The following NPRL3 variants were observed in gnomAD, a reference collection of about 807,000 sequenced individuals.
The protein encoded by NPRL3 is GATOR1 complex protein NPRL3.
A neutral mutation model predicts 57.2 loss-of-function variants in NPRL3; 23 were observed. That is an observed-to-expected ratio of 0.40 (90% CI 0.29 to 0.57). The LOEUF (loss-of-function observed/expected upper bound fraction) is 0.57, where lower values mean the gene tolerates loss of function less well. Ranked by LOEUF, NPRL3 falls within the 20% of genes least tolerant of loss-of-function variation. The pLI is 0.42. For synonymous variants in NPRL3, 333 were observed against 321.1 expected, an observed-to-expected ratio of 1.04 and a Z score of -0.39; for missense variants, 691 against 767.1, an observed-to-expected ratio of 0.90 and a Z score of 1.17.
chr16:130,425 C>G, intron 3 of NPRL3, 97 bp downstream of exon 3: 1 of 1,275,108 alleles, frequency 7.8e-7, no homozygotes, highest in Non-Finnish European at 1.1e-6. Flanking sequence ...CACCAGACTT[C>G]TCAGGGAGAA....
intron 2 of NPRL3, among the ~76,000 whole-genome samples, chr16:133,532 GT>G (rs1555445686): frequency 1.6e-4 from 6 of 37,204 alleles, no homozygotes; most frequent in South Asian, 9.5e-4. Flanking sequence ...GCCTAGCGTT[GT>G]TTGTTTGTTT....
intron 5 of NPRL3, among the ~76,000 whole-genome samples, chr16:116,619 C>A (rs1029160945): frequency 6.6e-6 from 1 of 151,968 alleles, no homozygotes; most frequent in Non-Finnish European, 1.5e-5. Flanking sequence ...ACCAGGAGTT[C>A]AAGATCAGCC....
At chr16:127,924 G>A (rs1436556237) in intron 3 of NPRL3, among the ~76,000 whole-genome samples, 1 of 151,772 alleles carries the variant, frequency 6.6e-6, no homozygotes, top group African/African-American at 2.4e-5. Context: ...CAAAGGGCTG[G>A]GATTACAGGC....
chr16:112,275 T>C (rs1317421600), intron 6 of NPRL3, among the ~76,000 whole-genome samples: 1 of 152,156 alleles, frequency 6.6e-6, no homozygotes, highest in African/African-American at 2.4e-5. Context: ...GCCAGGAAAA[T>C]TCATCTACAA....
rs753763592 is a variant in NPRL3, at chr16:89,800, G to C, written c.1264C>G (p.Arg422Gly). ...LMASPSEEEP[R>G]PREDDVPFTA... ...AAGGGGACGTCGTCCTCTCGCGGAC[G>C]GGGCTCCTCCTCGCTGGGTGAGGCC... The change falls in exon 12 of 14, where the codon CGT (arginine) becomes GGT (glycine). Residue 422 changes from arginine to glycine, a missense_variant. Transcript: ENST00000611875. The C allele has an allele frequency of 1.3e-6, 2 of 1,598,558 alleles. No homozygotes were observed. The highest frequency in any genetic ancestry group is 8.5e-7 in the Non-Finnish European group (1 of 1,173,974).
In NPRL3 at chr16:88,716, T is replaced by A; in HGVS notation, c.1526A>T (p.Asp509Val). ...CACCCACCTGGCAAACATGCGGAGG[T>A]CCTCAGGGTTCTGGGCTGCGGGTAC... ...LSVPAAQNPE[D>V]LRMFARLLHY... The change falls in exon 13 of 14, where the codon GAC becomes GTC. Residue 509 changes from aspartate (D) to valine (V), a missense_variant. Transcript: ENST00000611875. The A allele has an allele frequency of 6.2e-7, 1 of 1,610,732 alleles. No homozygotes were observed. Among genetic ancestry groups the A allele is most frequent in the Non-Finnish European group, 8.5e-7 (1 of 1,177,568 alleles).
chr16:117,883 C>T (rs1333316449), intron 4 of NPRL3, among the ~76,000 whole-genome samples: 2 of 152,268 alleles, frequency 1.3e-5, no homozygotes, highest in Non-Finnish European at 2.9e-5. Flanking sequence ...TCAAGGGAAG[C>T]ATTCCAAGGG....
chr16:104,643 T>C (rs1055063447), intron 7 of NPRL3, among the ~76,000 whole-genome samples: 6 of 152,172 alleles, frequency 3.9e-5, no homozygotes, highest in Non-Finnish European at 7.3e-5. Flanking sequence ...TTTACTCCAT[T>C]TTCCCAAGCA....
Position 119,112 on chromosome 16 carries a change from A to G in NPRL3, c.318+14T>C, listed in dbSNP as rs1479564838. ...TGCCCAGGGAGAGCCCCACCTGCCCAGGGAGAGCCATACCTGCCCCAGAGC... is the reference window on the plus strand; with the variant it reads ...TGCCCAGGGAGAGCCCCACCTGCCCGGGGAGAGCCATACCTGCCCCAGAGC... On this transcript the variant is annotated intron_variant, in intron 4 of 13. Coordinates refer to ENST00000611875, the MANE Select transcript of NPRL3 (RefSeq NM_001077350.3). The G allele has an allele frequency of 1.2e-6, 2 of 1,612,574 alleles. No homozygotes were observed. Among genetic ancestry groups the G allele is most frequent in the Non-Finnish European group, 1.7e-6 (2 of 1,178,956 alleles).
At chr16:103,705 C>T (rs1054626707) in intron 7 of NPRL3, among the ~76,000 whole-genome samples, 10 of 152,176 alleles carry the variant, frequency 6.6e-5, no homozygotes, top group Non-Finnish European at 1.2e-4. Context: ...ATTGGCCGGG[C>T]GTGGCGGCTC....
rs771726316 is a variant in NPRL3, at chr16:98,163, C to T, written c.906G>A (p.Ala302=). The T allele has an allele frequency of 1.1e-5, 17 of 1,613,676 alleles. No individual in the cohort carries two copies. The highest frequency in any genetic ancestry group is 2.2e-5 in the East Asian group (1 of 44,896). The part of the protein sequence containing the change: ...VKNLQQLAQD[A]DLALLQVFQL... Reference sequence around the variant, plus strand: ...GCTATACCTGCAGCAAGGCCAGGTCCGCATCTTGGGCTAGCTGCTGCAGGT... The same window carrying T: ...GCTATACCTGCAGCAAGGCCAGGTCTGCATCTTGGGCTAGCTGCTGCAGGT... Residue 302 remains alanine (A), a synonymous_variant, in exon 9 of 14, where the codon GCG becomes GCA. Transcript: ENST00000611875.
rs1183709549 is a variant in NPRL3 at position 86,544 on chromosome 16, C to T, written c.*161G>A. ...GCGGAACCACCAGGGGCAAGGACAG[C>T]GGGGCTCTGCAGGCTTCACTGGGCC... On this transcript the variant is annotated 3_prime_UTR_variant, in exon 14 of 14. Coordinates refer to ENST00000611875, the MANE Select transcript of NPRL3 (RefSeq NM_001077350.3). 7 of 671,074 alleles carry T rather than the reference C, an allele frequency of 1.0e-5. No homozygotes were observed. The highest frequency in any genetic ancestry group is 5.5e-5 in the East Asian group (2 of 36,282). 41.6% of individuals were successfully genotyped at this position (671,074 alleles called of 1,614,324 possible).
At chr16:92,053 TC>T (rs1339928823) in intron 11 of NPRL3, among the ~76,000 whole-genome samples, 1 of 152,110 alleles carries the variant, frequency 6.6e-6, no homozygotes, top group Admixed American at 6.5e-5. Context: ...GTTGCCCTGA[TC>T]CAGGCCCACT....
intron 3 of NPRL3, among the ~76,000 whole-genome samples, chr16:124,066 G>C (rs1900404697): frequency 1.4e-5 from 2 of 145,066 alleles, no homozygotes; most frequent in Admixed American, 1.4e-4. Flanking sequence ...TGAGAAACAG[G>C]ATCACACACT....
At chr16:122,862 G>A (rs753296857) in intron 3 of NPRL3, among the ~76,000 whole-genome samples, 5 of 151,996 alleles carry the variant, frequency 3.3e-5, no homozygotes, top group Non-Finnish European at 5.9e-5. Context: ...AACTCTGCTC[G>A]CCCCACCCAC....
intron 4 of NPRL3, among the ~76,000 whole-genome samples, chr16:118,410 A>G (rs1253607743): frequency 1.3e-5 from 2 of 152,186 alleles, no homozygotes; most frequent in African/African-American, 4.8e-5. Context: ...GTGCTAAATA[A>G]TACTAATATT....
intron 2 of NPRL3, among the ~76,000 whole-genome samples, chr16:134,697 T>TTA (rs1567150256): frequency 6.7e-4 from 45 of 67,254 alleles, no homozygotes; most frequent in Non-Finnish European, 8.7e-4. Flanking sequence ...TATTATTATT[T>TTA]TTTTTTTTTT....
intron 7 of NPRL3, among the ~76,000 whole-genome samples, chr16:110,154 A>C (rs1308979377): frequency 6.6e-6 from 1 of 152,202 alleles, no homozygotes; most frequent in Non-Finnish European, 1.5e-5. Flanking sequence ...CTGTAATCCC[A>C]GCTACTCGGG....
At chr16:113,755 G>A (rs1437561196) in intron 5 of NPRL3, among the ~76,000 whole-genome samples, 4 of 152,204 alleles carry the variant, frequency 2.6e-5, no homozygotes, top group Admixed American at 2.0e-4. Context: ...TTATCTGAGA[G>A]GGAAGGCCAT....
Sources: allele counts gnomAD v4.1 joint callset (sites outside exome capture counted in the v4.1 genomes callset), GRCh38; gene constraint gnomAD v4.1.1; transcripts MANE v1.5; gene names NCBI Gene and HGNC (gene_info 2026-07-23, HGNC 2026-07-21).